SOX5: variants seen among roughly 807,000 people sequenced by gnomAD.
The protein encoded by SOX5 is transcription factor SOX-5.
SOX5 carries 9 observed loss-of-function variants against 92.0 expected under a neutral mutation model. The ratio of observed to expected loss-of-function variants is 0.10; its 90% CI spans 0.06 to 0.17. SOX5 has a LOEUF of 0.17. SOX5 is among the 10% of genes least tolerant of loss of function. The pLI is 1.00. For missense variants in SOX5, 642 were observed against 944.5 expected, an observed-to-expected ratio of 0.68 and a Z score of 4.20; for synonymous variants, 344 against 336.3, an observed-to-expected ratio of 1.02 and a Z score of -0.25.
intron 6 of SOX5, among the ~76,000 whole-genome samples, chr12:23,719,818 G>T (rs1398756997): frequency 7.4e-6 from 1 of 135,682 alleles, no homozygotes; most frequent in African/African-American, 2.7e-5. Flanking sequence ...AAAACTGATG[G>T]ATAGTTATTT....
intron 3 of SOX5, among the ~76,000 whole-genome samples, chr12:23,826,555 T>G (rs923045593): frequency 6.6e-6 from 1 of 152,130 alleles, no homozygotes; most frequent in African/African-American, 2.4e-5. Flanking sequence ...ATATAAGGAC[T>G]GACAACTGAC....
chr12:23,959,258 A>G (rs997444216), intron 4 of SOX5, among the ~76,000 whole-genome samples: 25 of 152,128 alleles, frequency 1.6e-4, no homozygotes, highest in Middle Eastern at 3.6e-3. Flanking sequence ...AAATTAAAAC[A>G]TAATGTAGAA....
At chr12:24,290,628 C>T (rs1473287078) in intron 2 of SOX5, among the ~76,000 whole-genome samples, 1 of 152,122 alleles carries the variant, frequency 6.6e-6, no homozygotes, top group Non-Finnish European at 1.5e-5. Flanking sequence ...TCCTTTTCTG[C>T]CTCCCCACCA....
At chr12:23,700,476 G>A (rs530050990) in intron 6 of SOX5, among the ~76,000 whole-genome samples, 1 of 152,120 alleles carries the variant, frequency 6.6e-6, no homozygotes, top group South Asian at 2.1e-4. Flanking sequence ...AAAACTAGTT[G>A]ATTCAACAAG....
intron 2 of SOX5, among the ~76,000 whole-genome samples, chr12:24,365,111 G>C (rs1326905908): frequency 1.3e-5 from 2 of 152,158 alleles, no homozygotes; most frequent in South Asian, 2.1e-4. Flanking sequence ...CATTCATGAC[G>C]AACAGTGCTA....
intron 4 of SOX5, among the ~76,000 whole-genome samples, chr12:24,197,433 A>G (rs1450259567): frequency 6.6e-6 from 1 of 152,188 alleles, no homozygotes; most frequent in Non-Finnish European, 1.5e-5. Flanking sequence ...CTATTTTTAT[A>G]CTAAGACTGG....
chr12:23,824,591 A>G (rs1594798335), intron 3 of SOX5, among the ~76,000 whole-genome samples: 1 of 152,338 alleles, frequency 6.6e-6, no homozygotes, highest in Admixed American at 6.5e-5. Flanking sequence ...CACAGGTGTC[A>G]GGGACCCACT....
At chr12:23,998,758 G>A (rs1282474861) in intron 4 of SOX5, among the ~76,000 whole-genome samples, 3 of 123,732 alleles carry the variant, frequency 2.4e-5, no homozygotes, top group Non-Finnish European at 4.7e-5. Flanking sequence ...CCGAGATCAC[G>A]CCATTGCACT....
At chr12:24,025,919 A>G (rs777104192) in intron 4 of SOX5, among the ~76,000 whole-genome samples, 28 of 152,100 alleles carry the variant, frequency 1.8e-4, no homozygotes, top group Non-Finnish European at 3.5e-4. Flanking sequence ...TGTAAGCTTC[A>G]CAATTAGCTC....
chr12:23,977,219 A>G (rs1293749153), intron 4 of SOX5, among the ~76,000 whole-genome samples: 2 of 152,202 alleles, frequency 1.3e-5, no homozygotes, highest in African/African-American at 4.8e-5. Context: ...ACAATACAGG[A>G]GAAGTTTCAG....
chr12:23,909,393 A>C (rs1801330286), intron 1 of SOX5, among the ~76,000 whole-genome samples: 2 of 152,212 alleles, frequency 1.3e-5, no homozygotes, highest in African/African-American at 4.8e-5. Context: ...ATTTGTTAGA[A>C]TATAGCCATA....
At chr12:24,048,685 C>A (rs994871006) in intron 4 of SOX5, among the ~76,000 whole-genome samples, 2 of 152,094 alleles carry the variant, frequency 1.3e-5, no homozygotes, top group African/African-American at 4.8e-5. Context: ...AAGAAAAATA[C>A]CTGAACTATT....
chr12:24,492,381 A>G (rs1354442804), intron 1 of SOX5, among the ~76,000 whole-genome samples: 2 of 152,160 alleles, frequency 1.3e-5, no homozygotes, highest in Admixed American at 6.5e-5. Flanking sequence ...TTTTCCCCCA[A>G]GAGGAAATAT....
chr12:24,424,654 A>ATAGTTTC (rs1966433974), intron 1 of SOX5, among the ~76,000 whole-genome samples: 1 of 152,136 alleles, frequency 6.6e-6, no homozygotes, highest in African/African-American at 2.4e-5. Context: ...TCCCAACACT[A>ATAGTTTC]TAGTTTCCCC....
At chr12:23,610,009 C>T (rs74071319) in intron 8 of SOX5, among the ~76,000 whole-genome samples, 3,432 of 152,058 alleles carry the variant, frequency 0.023, 106 homozygotes, top group African/African-American at 0.078. Context: ...AAAGGTCTGG[C>T]AGGATAACAG....
chr12:24,356,067 T>A (rs539036210), intron 2 of SOX5, among the ~76,000 whole-genome samples: 146 of 152,350 alleles, frequency 9.6e-4, no homozygotes, highest in Non-Finnish European at 1.8e-3. Flanking sequence ...GTGGACATTT[T>A]TATTAAACAG....
At chr12:23,822,243 T>G (rs2096134251) in intron 3 of SOX5, among the ~76,000 whole-genome samples, 1 of 152,246 alleles carries the variant, frequency 6.6e-6, no homozygotes, top group East Asian at 1.9e-4. Flanking sequence ...CTTTCCCACT[T>G]TCTCCTGTGG....
At chr12:23,554,844 T>TATC (rs1340237230) in intron 11 of SOX5, among the ~76,000 whole-genome samples, 1 of 152,174 alleles carries the variant, frequency 6.6e-6, no homozygotes, top group Non-Finnish European at 1.5e-5. Flanking sequence ...ATAAAGAATC[T>TATC]ATCTACTAAA....
chr12:24,267,590 C>T (rs1297187786), intron 3 of SOX5, among the ~76,000 whole-genome samples: 1 of 152,112 alleles, frequency 6.6e-6, no homozygotes, highest in African/African-American at 2.4e-5. Context: ...TTTCTGTACT[C>T]TAACTTTGCA....
Sources: allele counts gnomAD v4.1 joint callset (sites outside exome capture counted in the v4.1 genomes callset), GRCh38; gene constraint gnomAD v4.1.1; transcripts MANE v1.5; gene names NCBI Gene and HGNC (gene_info 2026-07-23, HGNC 2026-07-21).